Variants in ZNF398 observed in about 807,000 individuals in gnomAD.
ZNF398 encodes the protein zinc finger protein 398, also known as zinc finger DNA binding protein ZER6.
ZNF398 carries 18 observed loss-of-function variants against 41.9 expected under a neutral mutation model. The observed-to-expected ratio is 0.43, with a 90% confidence interval of 0.30 to 0.64. ZNF398 has a LOEUF of 0.64. Among genes scored for constraint, ZNF398 ranks in the 30% least tolerant of loss-of-function variants. The pLI is 0.14. For synonymous variants in ZNF398, 260 were observed against 308.8 expected, an observed-to-expected ratio of 0.84 and a Z score of 1.66; for missense variants, 669 against 822.8, an observed-to-expected ratio of 0.81 and a Z score of 2.29.
chr7:149,139,354 T>C (rs994124416), intron 2 of ZNF398, among the ~76,000 whole-genome samples: 1 of 152,132 alleles, frequency 6.6e-6, no homozygotes, highest in South Asian at 2.1e-4. Context: ...CCAGTGTACC[T>C]GGTCTATTGT....
chr7:149,129,239 C>A (rs554085504), intron 2 of ZNF398, among the ~76,000 whole-genome samples: 12 of 152,100 alleles, frequency 7.9e-5, no homozygotes, highest in Admixed American at 7.2e-4. Context: ...TTAAATAAAA[C>A]CCTTCTGGTG....
At chr7:149,161,066 C>T (rs574454199) in intron 2 of ZNF398, among the ~76,000 whole-genome samples, 14 of 152,006 alleles carry the variant, frequency 9.2e-5, no homozygotes, top group Non-Finnish European at 2.1e-4. Flanking sequence ...ATTTCCCCAG[C>T]GCCCCTTTGG....
Position 149,179,554 on chromosome 7 carries a change from A to T in ZNF398, c.1682A>T (p.His561Leu). 1 of 1,614,158 alleles carries T rather than the reference A, an allele frequency of 6.2e-7. No homozygotes were observed. The highest frequency in any genetic ancestry group is 8.5e-7 in the Non-Finnish European group (1 of 1,180,028). Residue 561 changes from histidine to leucine, a missense_variant, in exon 6 of 6, where the codon CAC becomes CTC. His to Leu is a moderately conservative substitution (Grantham distance 99). Coordinates refer to ENST00000475153, the MANE Select transcript of ZNF398 (RefSeq NM_170686.3). The surrounding 1 kb of genome is among the most constrained non-coding windows in gnomAD (Gnocchi z 6.1). Reference sequence around the variant, plus strand: ...CACCTAATGAAACACCAGCGCATCCACACCGGGGAGCGGCCCTACCCCTGC... The same window carrying T: ...CACCTAATGAAACACCAGCGCATCCTCACCGGGGAGCGGCCCTACCCCTGC... ...KHHLMKHQRI[H>L]TGERPYPCSY...
intron 1 of ZNF398, among the ~76,000 whole-genome samples, chr7:149,152,589 G>A (rs1401551964): frequency 4.7e-5 from 7 of 147,374 alleles, no homozygotes; most frequent in Non-Finnish European, 9.0e-5. Flanking sequence ...TTTCTGAGAC[G>A]GAGTTTTGCT....
intron 2 of ZNF398, among the ~76,000 whole-genome samples, chr7:149,159,974 C>T (rs1471791630): frequency 1.3e-5 from 2 of 152,082 alleles, no homozygotes; most frequent in African/African-American, 4.8e-5. Context: ...GATCCTTCTT[C>T]CTCAGCCTCC....
intron 2 of ZNF398, among the ~76,000 whole-genome samples, chr7:149,133,406 G>C (rs747059771): frequency 6.6e-6 from 1 of 151,748 alleles, no homozygotes; most frequent in African/African-American, 2.4e-5. Context: ...GAGCCACTGT[G>C]CCAGGCCATC....
At chr7:149,142,494 C>T (rs1233964078), upstream of ZNF398, among the ~76,000 whole-genome samples, 3 of 152,052 alleles carry the variant, frequency 2.0e-5, no homozygotes, top group East Asian at 3.9e-4. Flanking sequence ...GGTGAAACCC[C>T]GTCTCTACTA....
intron 2 of ZNF398, among the ~76,000 whole-genome samples, chr7:149,155,417 C>T (rs1794945558): frequency 6.6e-6 from 1 of 152,058 alleles, no homozygotes; most frequent in Admixed American, 6.6e-5. Flanking sequence ...GAGACTCCGT[C>T]TCCAACAACG....
intron 4 of ZNF398, 107 bp from the exon 5 acceptor site, chr7:149,176,361 A>G: frequency 1.2e-6 from 1 of 810,990 alleles, no homozygotes; most frequent in East Asian, 2.6e-5. Context: ...GAAAAAAAGA[A>G]AGGAAAAATA....
intron 2 of ZNF398, among the ~76,000 whole-genome samples, chr7:149,137,542 C>T (rs977869794): frequency 4.6e-5 from 7 of 152,086 alleles, no homozygotes; most frequent in African/African-American, 7.2e-5. Flanking sequence ...CCACCATGTC[C>T]GGCTAATTTT....
intron 4 of ZNF398, among the ~76,000 whole-genome samples, chr7:149,175,659 T>G (rs977143864): frequency 3.3e-5 from 5 of 152,166 alleles, no homozygotes; most frequent in Non-Finnish European, 7.4e-5. Context: ...AACTTTGTAA[T>G]TCTGGAAGTT....
intron 1 of ZNF398, among the ~76,000 whole-genome samples, chr7:149,152,566 C>CTT (rs754663137): frequency 3.0e-5 from 4 of 134,884 alleles, no homozygotes; most frequent in Admixed American, 1.5e-4. Context: ...GCCTAGATTT[C>CTT]TTTTTTTTTT....
At chr7:149,132,200 T>A (rs537108076) in intron 2 of ZNF398, among the ~76,000 whole-genome samples, 8 of 149,628 alleles carry the variant, frequency 5.3e-5, no homozygotes, top group Non-Finnish European at 8.9e-5. Context: ...CTCTCTTTTT[T>A]TTTTTTTTTT....
intron 4 of ZNF398, among the ~76,000 whole-genome samples, chr7:149,174,074 G>A (rs187586218): frequency 1.1e-4 from 16 of 152,038 alleles, no homozygotes; most frequent in Admixed American, 3.9e-4. Flanking sequence ...GATTACAGGC[G>A]TGACCCACCA....
intron 2 of ZNF398, among the ~76,000 whole-genome samples, chr7:149,164,357 A>G (rs1443691218): frequency 2.0e-5 from 3 of 152,136 alleles, no homozygotes; most frequent in African/African-American, 7.2e-5. Context: ...CAGTGAGCCA[A>G]GATCGCACCA....
At position 149,180,770 on chromosome 7, in the gene ZNF398, T is replaced by C. The variant is rs1255333971; in HGVS notation, c.*969T>C. ...TCTTGACAATCATCAGCAACAAAGA[T>C]CACAGCACTTTCCAGAAGCATGGAG... is the stretch of plus-strand genomic sequence containing the variant. On this transcript the variant is annotated 3_prime_UTR_variant, in exon 6 of 6. Transcript: ENST00000475153. 1.3e-5 allele frequency: 2 copies of C among 152,200 alleles called. No individual in the cohort carries two copies. The highest frequency in any genetic ancestry group is 6.5e-5 in the Admixed American group (1 of 15,276). 9.4% of individuals were successfully genotyped at this position (152,200 alleles called of 1,614,324 possible).
chr7:149,172,273 G>A (rs185791859), intron 4 of ZNF398, among the ~76,000 whole-genome samples: 52 of 152,214 alleles, frequency 3.4e-4, no homozygotes, highest in African/African-American at 1.1e-3. Context: ...TAAGTTTTAA[G>A]TTTGCCATTC....
At chr7:149,141,017 G>A (rs1460697322) in intron 2 of ZNF398, among the ~76,000 whole-genome samples, 4 of 141,358 alleles carry the variant, frequency 2.8e-5, no homozygotes, top group Admixed American at 7.5e-5. Flanking sequence ...TCCAGCCTGC[G>A]CGACAGAGGC....
chr7:149,159,061 T>C (rs12704068), intron 2 of ZNF398, among the ~76,000 whole-genome samples: 97,973 of 148,632 alleles, frequency 0.66, 33,715 homozygotes, highest in East Asian at 0.95. Context: ...TCACTGCAAC[T>C]TCCACTTCCC....
Sources: gnomAD v4.1 joint callset for allele counts (sites outside exome capture counted in the v4.1 genomes callset) on GRCh38, gnomAD v4.1.1 for gene constraint, Gnocchi (gnomAD v3.1) non-coding constraint, MANE v1.5 for transcripts, NCBI Gene and HGNC (gene_info 2026-07-23, HGNC 2026-07-21) for gene names.